TNFSF11: variants seen among roughly 807,000 people sequenced by gnomAD.
The protein encoded by TNFSF11 is TNF superfamily member 11.
A neutral mutation model predicts 32.2 loss-of-function variants in TNFSF11; 12 were observed. That is an observed-to-expected ratio of 0.37 (90% CI 0.24 to 0.60). The LOEUF is 0.60. Ranked by LOEUF, TNFSF11 falls within the 20% of genes least tolerant of loss-of-function variation. TNFSF11 has a pLI of 0.66. For synonymous variants in TNFSF11, 172 were observed against 152.1 expected (o/e 1.13, Z -0.96); for missense variants, 345 against 398.0 (o/e 0.87, Z 1.13).
rs750006547 is a variant in TNFSF11 at position 42,574,446 on chromosome 13, T to G, written c.143T>G (p.Met48Arg). 4 of 1,607,728 alleles carry G rather than the reference T, an allele frequency of 2.5e-6. No homozygotes were observed. The highest frequency in any genetic ancestry group is 1.3e-5 in the African/African-American group (1 of 74,960). The change falls in exon 1 of 5, where the codon ATG (methionine) becomes AGG (arginine). Residue 48 changes from methionine (M) to arginine (R), a missense_variant. Physicochemically the swap from Met to Arg is moderately conservative, Grantham distance 91. This residue lies in a region of TNFSF11 where 197 missense variants were observed against 182.0 expected (regional missense o/e 1.08). Transcript: ENST00000398795. ...CAGCCCCCTGCCGCCTCCCGCTCCA[T>G]GTTCGTGGCCCTCCTGGGGCTGGGG... ...PHQPPAASRSMFVALLGLGLG... is the reference protein window; with the variant it reads ...PHQPPAASRSRFVALLGLGLG...
At chr13:42,569,091 C>T (rs561672029) in intron 2 of TNFSF11, among the ~76,000 whole-genome samples, 5 of 152,202 alleles carry the variant, frequency 3.3e-5, no homozygotes, top group African/African-American at 4.8e-5. Flanking sequence ...TAACGCCCTC[C>T]GCCACGAAGG....
rs183385297 is a variant in TNFSF11 at position 42,566,793 on chromosome 13, G to C, written c.-160+31G>C. The C allele has an allele frequency of 2.6e-5, 4 of 152,194 alleles. No individual in the cohort carries two copies. The East Asian group carries it at 7.8e-4, about 30-fold the overall frequency. 9.4% of individuals were successfully genotyped at this position (152,194 alleles called of 1,614,324 possible). ...CAGATACTTGAGGTAAGGAGTTCAA[G>C]ACCAGTCTGGGCAACATAGGAAAAC... On this transcript the variant is annotated intron_variant, in intron 2 of 6. Coordinates refer to the TNFSF11 transcript ENST00000358545.
rs780910363 is a variant in TNFSF11, at chr13:42,600,710, G to T, written c.388-42G>T. On this transcript the variant is annotated intron_variant, in intron 2 of 4. Coordinates refer to ENST00000398795, the MANE Select transcript of TNFSF11 (RefSeq NM_003701.4). ...CTGAATTCTTATTGCTTTACAGAAAGAATGATTTTATAAATAAAATTATTT... is the reference window on the plus strand; with the variant it reads ...CTGAATTCTTATTGCTTTACAGAAATAATGATTTTATAAATAAAATTATTT... 51 of 1,558,468 alleles carry T rather than the reference G, an allele frequency of 3.3e-5. No individual in the cohort carries two copies. The Admixed American group carries it at 8.7e-4, about 27-fold the overall frequency.
intron 1 of TNFSF11, among the ~76,000 whole-genome samples, chr13:42,577,192 G>T (rs1020049514): frequency 6.6e-6 from 1 of 152,120 alleles, no homozygotes; most frequent in African/African-American, 2.4e-5. Flanking sequence ...GTTTAAAGGT[G>T]GAGAAAAGAA....
chr13:42,584,953 CA>C (rs1310749822), intron 2 of TNFSF11, among the ~76,000 whole-genome samples: 1 of 152,192 alleles, frequency 6.6e-6, no homozygotes, highest in Non-Finnish European at 1.5e-5. Context: ...TCCCCTTAGA[CA>C]GGATCTTTAG....
chr13:42,589,128 G>C (rs1366488421), intron 2 of TNFSF11, among the ~76,000 whole-genome samples: 1 of 152,164 alleles, frequency 6.6e-6, no homozygotes, highest in Non-Finnish European at 1.5e-5. Context: ...AAAGCACTCA[G>C]AACTCTTCTC....
chr13:42,581,284 T>A lies in TNFSF11; in HGVS notation c.378T>A (p.Ala126=). ...GAATTAAACAGGCCTTTCAAGGAGCTGTGCAAAAGGTAAGTCCACATCGAG... is the reference window on the plus strand; with the variant it reads ...GAATTAAACAGGCCTTTCAAGGAGCAGTGCAAAAGGTAAGTCCACATCGAG... ...CRRIKQAFQG[A]VQKELQHIVG... Residue 126 remains alanine (A), a synonymous_variant, in exon 2 of 5, where the codon GCT becomes GCA. Coordinates refer to ENST00000398795, the MANE Select transcript of TNFSF11 (RefSeq NM_003701.4). 1 of 1,614,080 alleles carries A rather than the reference T, an allele frequency of 6.2e-7. No individual in the cohort carries two copies.
At chr13:42,593,216 T>A (rs1868602152) in intron 2 of TNFSF11, among the ~76,000 whole-genome samples, 1 of 152,204 alleles carries the variant, frequency 6.6e-6, no homozygotes, top group Non-Finnish European at 1.5e-5. Flanking sequence ...TTCCAAAGGC[T>A]TTAGGAGCTC....
chr13:42,585,000 A>T (rs567601695), intron 2 of TNFSF11, among the ~76,000 whole-genome samples: 1 of 152,348 alleles, frequency 6.6e-6, no homozygotes, highest in East Asian at 1.9e-4. Context: ...TTATCATTAG[A>T]ATCAATCAGT....
At chr13:42,568,603 C>T (rs562123162) in intron 2 of TNFSF11, among the ~76,000 whole-genome samples, 29 of 152,160 alleles carry the variant, frequency 1.9e-4, no homozygotes, top group Middle Eastern at 3.4e-3. Flanking sequence ...TTAGGGAGGC[C>T]GGTCCTAGGT....
rs146423545 is a variant in TNFSF11, at chr13:42,588,062, C to T, written c.387+6769C>T. On this transcript the variant is annotated intron_variant, in intron 2 of 4. Coordinates refer to ENST00000398795, the MANE Select transcript of TNFSF11 (RefSeq NM_003701.4). ...ACTTGGTTTTTGGAGCACTCATGTT[C>T]CCAAGTCACGATGTTAGTCATGTAG... Among the ~76,000 whole-genome samples, 301 of 152,318 alleles carry T rather than the reference C, an allele frequency of 2.0e-3. 1 individual carries two copies. The highest frequency in any genetic ancestry group is 6.8e-3 in the African/African-American group (281 of 41,570).
At chr13:42,588,078 A>T (rs2137881182) in intron 2 of TNFSF11, among the ~76,000 whole-genome samples, 1 of 152,356 alleles carries the variant, frequency 6.6e-6, no homozygotes, top group South Asian at 2.1e-4. Context: ...TCACGATGTT[A>T]GTCATGTAGT....
chr13:42,600,492 A>G (rs1031186439), intron 2 of TNFSF11, among the ~76,000 whole-genome samples: 2 of 152,182 alleles, frequency 1.3e-5, no homozygotes, highest in African/African-American at 2.4e-5. Context: ...TATAATCTAC[A>G]TCGTCTTTTA....
At chr13:42,598,661 G>A (rs1278192278) in intron 2 of TNFSF11, among the ~76,000 whole-genome samples, 2 of 152,168 alleles carry the variant, frequency 1.3e-5, no homozygotes, top group African/African-American at 2.4e-5. Flanking sequence ...GCATTTGAAG[G>A]ATAAGGGGCC....
chr13:42,576,558 A>C (rs1027005802), intron 1 of TNFSF11, among the ~76,000 whole-genome samples: 1 of 152,212 alleles, frequency 6.6e-6, no homozygotes. Context: ...ATACCATGAA[A>C]ATTCGGTTCC....
rs1445765213 is a variant in TNFSF11 at position 42,587,786 on chromosome 13, G to C, written c.387+6493G>C. Reference sequence around the variant, plus strand: ...CTACATATGGGAAACAGATCCCCTTGGATTGCAATCTCCATTATTATAAGG... The same window carrying C: ...CTACATATGGGAAACAGATCCCCTTCGATTGCAATCTCCATTATTATAAGG... On this transcript the variant is annotated intron_variant, in intron 2 of 4. Transcript: ENST00000398795. Among the ~76,000 whole-genome samples, 3 of 152,120 alleles carry C rather than the reference G, an allele frequency of 2.0e-5. No homozygotes were observed. In the South Asian group the frequency reaches 6.2e-4, roughly 32 times the overall value.
chr13:42,604,825 C>G (rs1869364069), intron 4 of TNFSF11, among the ~76,000 whole-genome samples: 1 of 152,082 alleles, frequency 6.6e-6, no homozygotes, highest in African/African-American at 2.4e-5. Flanking sequence ...GCTCTGTCTC[C>G]CAGGCTGGAG....
At chr13:42,587,734 G>T (rs972657185) in intron 2 of TNFSF11, among the ~76,000 whole-genome samples, 2 of 152,190 alleles carry the variant, frequency 1.3e-5, no homozygotes, top group African/African-American at 4.8e-5. Context: ...AAACTAGAAA[G>T]TTCACCAGAT....
intron 1 of TNFSF11, among the ~76,000 whole-genome samples, chr13:42,578,961 T>C (rs557838350): frequency 7.9e-4 from 121 of 152,364 alleles, no homozygotes; most frequent in Admixed American, 7.8e-3. Context: ...TCTCAAACTT[T>C]AATGTGTATA....
Sources: gnomAD v4.1 joint callset for allele counts (sites outside exome capture counted in the v4.1 genomes callset) on GRCh38, gnomAD v4.1.1 for gene constraint, gnomAD v4.1.1 regional missense constraint, MANE v1.5 for transcripts, NCBI Gene and HGNC (gene_info 2026-07-23, HGNC 2026-07-21) for gene names.